PTPRD: variants seen among roughly 807,000 people sequenced by gnomAD.
PTPRD encodes receptor-type tyrosine-protein phosphatase delta.
Under a neutral mutation model 214.5 loss-of-function variants are expected in PTPRD, and 34 were observed. That is an observed-to-expected ratio of 0.16 (90% confidence interval 0.12 to 0.21). The LOEUF is 0.21. PTPRD is among the 10% of genes least tolerant of loss of function. The pLI is 1.00. For synonymous variants in PTPRD, 1,128 were observed against 845.7 expected, an observed-to-expected ratio of 1.33 and a Z score of -5.79; for missense variants, 2,545 against 2,398.7, an observed-to-expected ratio of 1.06 and a Z score of -1.27.
chr9:9,854,213 T>A (rs1357872197), intron 5 of PTPRD, among the ~76,000 whole-genome samples: 1 of 152,212 alleles, frequency 6.6e-6, no homozygotes, highest in African/African-American at 2.4e-5. Context: ...GCAATCTTTT[T>A]AAGGTACTAT....
chr9:8,958,453 G>A (rs970221442), intron 11 of PTPRD, among the ~76,000 whole-genome samples: 1 of 151,970 alleles, frequency 6.6e-6, no homozygotes, highest in African/African-American at 2.4e-5. Context: ...GAAGATGATA[G>A]TGGTGGACCT....
intron 10 of PTPRD, among the ~76,000 whole-genome samples, chr9:9,124,971 A>G (rs1233515010): frequency 6.6e-6 from 1 of 152,184 alleles, no homozygotes; most frequent in East Asian, 1.9e-4. Flanking sequence ...GTATTGAGCA[A>G]CTGGTTCCTC....
chr9:9,956,024 G>C (rs1224434146), intron 4 of PTPRD, among the ~76,000 whole-genome samples: 1 of 152,010 alleles, frequency 6.6e-6, no homozygotes, highest in Admixed American at 6.6e-5. Context: ...ACATTTATTT[G>C]CAAATGTACC....
intron 10 of PTPRD, among the ~76,000 whole-genome samples, chr9:9,160,436 T>C (rs182146166): frequency 1.9e-3 from 292 of 152,240 alleles, no homozygotes; most frequent in African/African-American, 6.2e-3. Flanking sequence ...TAAAAAATGC[T>C]CAGTATCACT....
chr9:8,704,620 A>G (rs1430760738), intron 12 of PTPRD, among the ~76,000 whole-genome samples: 3 of 152,150 alleles, frequency 2.0e-5, no homozygotes, highest in Non-Finnish European at 4.4e-5. Context: ...CAAACAGAAT[A>G]TGGAAGCTTA....
chr9:9,683,358 TCAGCTGAA>T (rs1395438697), intron 7 of PTPRD, among the ~76,000 whole-genome samples: 1 of 151,702 alleles, frequency 6.6e-6, no homozygotes, highest in Admixed American at 6.6e-5. Context: ...CAGAACTTTG[TCAGCTGAA>T]CAGTATGGTT....
intron 14 of PTPRD, among the ~76,000 whole-genome samples, chr9:8,587,415 A>AGG (rs1164800397): frequency 6.6e-6 from 1 of 152,178 alleles, no homozygotes; most frequent in Admixed American, 6.6e-5. Flanking sequence ...AATTTCACTG[A>AGG]CCTTTTCCTA....
chr9:9,076,214 C>T (rs12001258), intron 10 of PTPRD, among the ~76,000 whole-genome samples: 2,973 of 150,164 alleles, frequency 0.02, 88 homozygotes, highest in African/African-American at 0.069. Flanking sequence ...GTCTTCGAGA[C>T]TTCATCCACT....
intron 3 of PTPRD, among the ~76,000 whole-genome samples, chr9:10,203,153 T>C (rs1272249057): frequency 6.6e-6 from 1 of 151,308 alleles, no homozygotes; most frequent in Non-Finnish European, 1.5e-5. Flanking sequence ...CTGTTTACTG[T>C]CTTCTCCCTC....
intron 5 of PTPRD, among the ~76,000 whole-genome samples, chr9:9,793,442 C>T (rs934122747): frequency 5.3e-5 from 8 of 151,922 alleles, no homozygotes; most frequent in Non-Finnish European, 1.2e-4. Flanking sequence ...TATTAAAATG[C>T]CCACACATAT....
At chr9:9,752,153 G>A (rs958504800) in intron 6 of PTPRD, among the ~76,000 whole-genome samples, 9 of 152,160 alleles carry the variant, frequency 5.9e-5, no homozygotes, top group South Asian at 4.1e-4. Flanking sequence ...GGTTTGGCAC[G>A]AGAGGAGGTT....
At chr9:8,622,533 T>C (rs1285659089) in intron 14 of PTPRD, among the ~76,000 whole-genome samples, 1 of 151,986 alleles carries the variant, frequency 6.6e-6, no homozygotes, top group Admixed American at 6.6e-5. Context: ...TATAACTGCC[T>C]TGTCATTTTA....
chr9:10,550,015 A>G (rs2060964970), intron 2 of PTPRD, among the ~76,000 whole-genome samples: 3 of 152,132 alleles, frequency 2.0e-5, no homozygotes, highest in Admixed American at 2.0e-4. Context: ...ATTGATGAGG[A>G]TGGATAGGTT....
At chr9:9,253,735 G>C (rs2099976442) in intron 9 of PTPRD, among the ~76,000 whole-genome samples, 1 of 152,122 alleles carries the variant, frequency 6.6e-6, no homozygotes, top group South Asian at 2.1e-4. Flanking sequence ...CATTTGTTGA[G>C]CTTCACTGAT....
chr9:9,512,477 T>G (rs1156848320), intron 8 of PTPRD, among the ~76,000 whole-genome samples: 1 of 151,896 alleles, frequency 6.6e-6, no homozygotes, highest in African/African-American at 2.4e-5. Flanking sequence ...TTTAATAAGC[T>G]GACACTATTT....
chr9:10,608,389 C>T (rs78949544), intron 2 of PTPRD, among the ~76,000 whole-genome samples: 4,029 of 152,032 alleles, frequency 0.027, 183 homozygotes, highest in African/African-American at 0.09. Context: ...TAATCTCCAT[C>T]CTGCTCCTTC....
intron 7 of PTPRD, among the ~76,000 whole-genome samples, chr9:9,670,572 C>A (rs371623100): frequency 1.6e-4 from 25 of 152,308 alleles, no homozygotes; most frequent in African/African-American, 4.3e-4. Context: ...CCATCACAGG[C>A]CTAGATGCTT....
chr9:9,459,234 A>C (rs1486606344), intron 8 of PTPRD, among the ~76,000 whole-genome samples: 1 of 152,072 alleles, frequency 6.6e-6, no homozygotes, highest in African/African-American at 2.4e-5. Flanking sequence ...ACAACCAAGG[A>C]ACCCATACAT....
intron 2 of PTPRD, among the ~76,000 whole-genome samples, chr9:10,455,472 A>G (rs578132362): frequency 6.6e-6 from 1 of 151,722 alleles, no homozygotes; most frequent in South Asian, 2.1e-4. Flanking sequence ...TACATGTCCA[A>G]TGACTTTTTT....
Sources: allele counts gnomAD v4.1 joint callset (sites outside exome capture counted in the v4.1 genomes callset), GRCh38; gene constraint gnomAD v4.1.1; transcripts MANE v1.5; gene names NCBI Gene and HGNC (gene_info 2026-07-23, HGNC 2026-07-21).